NBEAL1: variants seen among roughly 807,000 people sequenced by gnomAD.
NBEAL1 encodes the protein neurobeachin like 1, also known as neurobeachin-like protein 1.
NBEAL1 carries 273 observed loss-of-function variants against 351.3 expected under a neutral mutation model. That is an observed-to-expected ratio of 0.78 (90% confidence interval 0.70 to 0.86). The LOEUF is 0.86. Among genes scored for constraint, NBEAL1 ranks in the 40% least tolerant of loss-of-function variants. NBEAL1 has a pLI of 0.00. For synonymous variants in NBEAL1, 1,050 were observed against 1,086.4 expected (o/e 0.97, Z 0.66); for missense variants, 2,961 against 3,201.3 (o/e 0.92, Z 1.81).
At chr2:203,081,228 G>C in intron 8 of NBEAL1, among the ~76,000 whole-genome samples, 1 of 152,126 alleles carries the variant, frequency 6.6e-6, no homozygotes, top group East Asian at 1.9e-4. Context: ...CTAATTACTG[G>C]TTTCCTTTCC....
rs771451499 is a variant in NBEAL1, at chr2:203,151,555, C to T, written c.5553C>T (p.Thr1851=). Residue 1851 remains threonine, a synonymous_variant, in exon 35 of 56, where the codon ACC becomes ACT. Transcript: ENST00000683969. ...TGGTACCGAATTATAATTTCAAAAC[C>T]CATGAGGAAGCTAGTGCCTTGAGAG... The part of the protein sequence containing the change: ...LKLVPNYNFK[T]HEEASALRDN... 5.0e-6 allele frequency: 8 copies of T among 1,609,264 alleles called. No individual in the cohort carries two copies. The highest frequency in any genetic ancestry group is 1.3e-5 in the African/African-American group (1 of 74,710).
intron 2 of NBEAL1, among the ~76,000 whole-genome samples, chr2:203,022,301 A>G (rs1198873051): frequency 6.6e-6 from 1 of 152,194 alleles, no homozygotes; most frequent in East Asian, 1.9e-4. Flanking sequence ...AAACATACAA[A>G]GTGACTCAAA....
chr2:203,191,083 G>A lies in NBEAL1; in HGVS notation c.6921+694G>A, dbSNP rs1575109279. The A allele has an allele frequency of 4.4e-6, 7 of 1,596,836 alleles. No individual in the cohort carries two copies. In the African/African-American group the frequency reaches 9.4e-5, roughly 21 times the overall value. The stretch of plus-strand genomic sequence containing the variant: ...GAAACAGAAAAACATTAAACACAGT[G>A]GGAATATCACTTTTGATGAGATCGT... On this transcript the variant is annotated intron_variant, in intron 46 of 55. Coordinates refer to ENST00000683969, the MANE Select transcript of NBEAL1 (RefSeq NM_001378026.1).
chr2:203,168,222 G>C (rs2064198715), intron 38 of NBEAL1, among the ~76,000 whole-genome samples: 1 of 152,234 alleles, frequency 6.6e-6, no homozygotes, highest in Non-Finnish European at 1.5e-5. Flanking sequence ...CTGGGTGTTT[G>C]TATAACTTTA....
chr2:203,088,209 T>A (rs956515689), intron 10 of NBEAL1, among the ~76,000 whole-genome samples: 2 of 152,224 alleles, frequency 1.3e-5, no homozygotes, highest in African/African-American at 4.8e-5. Flanking sequence ...AAATTTTAAA[T>A]TATTATGATA....
chr2:203,209,238 G>A lies in NBEAL1; in HGVS notation c.7701G>A (p.Leu2567=), dbSNP rs770463525. Reference sequence around the variant, plus strand: ...TACGACCACCTTGTGAGAGTTCTCTGTTCCTGACCATTCCTAATTTGGCTA... The same window carrying A: ...TACGACCACCTTGTGAGAGTTCTCTATTCCTGACCATTCCTAATTTGGCTA... The part of the protein sequence containing the change: ...RTLRPPCESS[L]FLTIPNLAIS... Residue 2567 remains leucine, a synonymous_variant, in exon 53 of 56, where the codon CTG becomes CTA. Coordinates refer to ENST00000683969, the MANE Select transcript of NBEAL1 (RefSeq NM_001378026.1). 26 of 1,613,632 alleles carry A rather than the reference G, an allele frequency of 1.6e-5. 1 individual carries two copies. The highest frequency in any genetic ancestry group is 5.9e-6 in the Non-Finnish European group (7 of 1,179,728).
intron 2 of NBEAL1, among the ~76,000 whole-genome samples, chr2:203,031,327 C>T (rs1574868486): frequency 6.6e-6 from 1 of 152,198 alleles, no homozygotes; most frequent in East Asian, 1.9e-4. Context: ...GTGATCGTTC[C>T]TATGGTAATG....
intron 55 of NBEAL1, 192 bp downstream of exon 55, chr2:203,213,845 G>A: frequency 1.1e-6 from 1 of 951,864 alleles, no homozygotes; most frequent in Non-Finnish European, 1.3e-6. Context: ...ATTATTGAAA[G>A]CCCACCTTTG....
chr2:203,070,041 C>T (rs1033427557), intron 7 of NBEAL1, among the ~76,000 whole-genome samples: 4 of 152,058 alleles, frequency 2.6e-5, no homozygotes, highest in African/African-American at 9.7e-5. Context: ...ATTTTTATAT[C>T]CTTGTTCCCC....
chr2:203,040,462 G>T, intron 2 of NBEAL1: 1 of 702,936 alleles, frequency 1.4e-6, no homozygotes, highest in East Asian at 2.8e-5. Context: ...GTTTAGTGGT[G>T]TCTTTGTAAA....
Position 203,217,496 on chromosome 2 carries a change from TATAAACTA to T in NBEAL1, c.*145_*152del. 2 of 1,293,892 alleles carry T rather than the reference TATAAACTA, an allele frequency of 1.5e-6. No individual in the cohort carries two copies. The highest frequency in any genetic ancestry group is 2.0e-6 in the Non-Finnish European group (2 of 1,018,764). 80.2% of individuals were successfully genotyped at this position (1,293,892 alleles called of 1,614,324 possible). ...CAGATAACCACAATTTGCTGTGGTATATAAACTAATTCTTGGTCTATACTAAGATGTAT... is the reference window on the plus strand; with the variant it reads ...CAGATAACCACAATTTGCTGTGGTATATTCTTGGTCTATACTAAGATGTAT... On this transcript the variant is annotated 3_prime_UTR_variant, in exon 56 of 56. Transcript: ENST00000683969.
chr2:203,103,443 C>T (rs879630555), intron 12 of NBEAL1, among the ~76,000 whole-genome samples: 4 of 151,740 alleles, frequency 2.6e-5, no homozygotes, highest in South Asian at 2.1e-4. Flanking sequence ...GGCTAATTTT[C>T]GTATTTTTAG....
Position 203,221,197 on chromosome 2 carries a change from C to T in NBEAL1, c.*3843C>T, listed in dbSNP as rs193260571. 2.1e-4 allele frequency among the ~76,000 whole-genome samples: 32 copies of T among 151,858 alleles called. No homozygotes were observed. Among genetic ancestry groups the T allele is most frequent in the South Asian group, 4.2e-4 (2 of 4,810 alleles). On this transcript the variant is annotated 3_prime_UTR_variant, in exon 56 of 56. Coordinates refer to ENST00000683969, the MANE Select transcript of NBEAL1 (RefSeq NM_001378026.1). ...TTATTTAATGATGATAGAGATATGA[C>T]CTTTGCCTTTATGTATATTTTATAT... is the stretch of plus-strand genomic sequence containing the variant.
chr2:203,095,865 C>T (rs1038315397), intron 10 of NBEAL1, among the ~76,000 whole-genome samples: 6 of 151,814 alleles, frequency 4.0e-5, no homozygotes, highest in South Asian at 2.1e-4. Flanking sequence ...CTCCACCTCC[C>T]GGGTTCAGGT....
At chr2:203,053,299 T>A (rs1335483591) in intron 4 of NBEAL1, among the ~76,000 whole-genome samples, 1 of 152,226 alleles carries the variant, frequency 6.6e-6, no homozygotes, top group Non-Finnish European at 1.5e-5. Flanking sequence ...TCTTATTGTT[T>A]TAATTTGCAA....
upstream of NBEAL1, chr2:203,014,701 C>T (rs2060647038): frequency 6.6e-6 from 1 of 152,302 alleles, no homozygotes; most frequent in Non-Finnish European, 1.5e-5. Flanking sequence ...TCGACTGCGG[C>T]TGCGCAGGTA....
intron 34 of NBEAL1, 133 bp downstream of exon 34, chr2:203,149,281 A>G (rs2063589340): frequency 1.8e-5 from 11 of 605,012 alleles, no homozygotes; most frequent in Middle Eastern, 4.5e-4. Context: ...AATCTTATTT[A>G]TTGTCTTTCC....
chr2:203,077,096 G>A (rs1245692687), intron 7 of NBEAL1, among the ~76,000 whole-genome samples: 1 of 151,936 alleles, frequency 6.6e-6, no homozygotes, highest in East Asian at 1.9e-4. Context: ...ACATGCATAT[G>A]ACAAAGAAAA....
intron 29 of NBEAL1, 118 bp from the exon 30 acceptor site, chr2:203,138,044 G>A: frequency 1.1e-6 from 1 of 890,510 alleles, no homozygotes; most frequent in Non-Finnish European, 1.7e-6. Flanking sequence ...ATACCTGCTA[G>A]AGATAGTATA....
Sources: allele counts gnomAD v4.1 joint callset (sites outside exome capture counted in the v4.1 genomes callset), GRCh38; gene constraint gnomAD v4.1.1; transcripts MANE v1.5; gene names NCBI Gene and HGNC (gene_info 2026-07-23, HGNC 2026-07-21).